Variants in GABRB3 observed in about 807,000 individuals in gnomAD.
The protein encoded by GABRB3 is gamma-aminobutyric acid type A receptor subunit beta3.
A neutral mutation model predicts 52.1 loss-of-function variants in GABRB3; 14 were observed. That is an observed-to-expected ratio of 0.27 (90% CI 0.18 to 0.42). GABRB3 has a LOEUF of 0.42. Ranked by LOEUF, GABRB3 falls within the 10% of genes least tolerant of loss-of-function variation. The probability of loss-of-function intolerance (pLI) is 1.00; values close to 1 mark genes in which losing one functional copy is unlikely to be tolerated. For synonymous variants in GABRB3, 260 were observed against 232.3 expected (o/e 1.12, Z -1.08); for missense variants, 307 against 609.1 (o/e 0.50, Z 5.22).
At chr15:26,551,529 T>TG (rs1285267401) in intron 8 of GABRB3, among the ~76,000 whole-genome samples, 5 of 152,100 alleles carry the variant, frequency 3.3e-5, no homozygotes, top group Non-Finnish European at 7.4e-5. Context: ...GCTCAGGGGC[T>TG]GGGGAAGTAG....
At chr15:26,691,126 G>C (rs948906700) in intron 3 of GABRB3, among the ~76,000 whole-genome samples, 1 of 151,714 alleles carries the variant, frequency 6.6e-6, no homozygotes, top group Non-Finnish European at 1.5e-5. Context: ...CTTCTCAGCT[G>C]GTACTGAGAC....
At chr15:26,725,993 T>A (rs2140145131) in intron 3 of GABRB3, among the ~76,000 whole-genome samples, 1 of 152,312 alleles carries the variant, frequency 6.6e-6, no homozygotes, top group Non-Finnish European at 1.5e-5. Context: ...CTTTGGCATG[T>A]CCAGCCTGCA....
At chr15:26,616,409 T>C (rs1400135783) in intron 4 of GABRB3, among the ~76,000 whole-genome samples, 1 of 152,124 alleles carries the variant, frequency 6.6e-6, no homozygotes, top group African/African-American at 2.4e-5. Context: ...AAGGCAGAAA[T>C]TTCTAGAATA....
At chr15:26,716,648 C>T in intron 3 of GABRB3, 3 of 1,003,436 alleles carry the variant, frequency 3.0e-6, no homozygotes, top group Non-Finnish European at 3.6e-6. Flanking sequence ...TTCTCACTGC[C>T]AACAGCAAGT....
At chr15:26,694,030 C>CT (rs540947801) in intron 3 of GABRB3, among the ~76,000 whole-genome samples, 158 of 152,270 alleles carry the variant, frequency 1.0e-3, no homozygotes, top group Middle Eastern at 3.4e-3. Context: ...AGGAGGATCA[C>CT]TTGAGGCCAG....
chr15:26,548,837 T>A (rs1256481598), intron 8 of GABRB3, among the ~76,000 whole-genome samples: 1 of 152,256 alleles, frequency 6.6e-6, no homozygotes, highest in East Asian at 1.9e-4. Context: ...AGGTCCATTC[T>A]GTTTGTGGGT....
intron 3 of GABRB3, among the ~76,000 whole-genome samples, chr15:26,658,249 C>T (rs571495381): frequency 3.1e-4 from 47 of 152,254 alleles, no homozygotes; most frequent in African/African-American, 1.1e-3. Context: ...CCCTTGCCCA[C>T]CAAACTATCT....
intron 3 of GABRB3, among the ~76,000 whole-genome samples, chr15:26,685,698 G>C (rs1445327819): frequency 2.0e-5 from 3 of 152,012 alleles, no homozygotes; most frequent in Non-Finnish European, 4.4e-5. Context: ...TCTAGTGATA[G>C]TAGGAGTGGG....
chr15:26,754,931 A>C (rs1290554573), intron 3 of GABRB3, among the ~76,000 whole-genome samples: 1 of 152,172 alleles, frequency 6.6e-6, no homozygotes, highest in Admixed American at 6.5e-5. Flanking sequence ...CACAGGATTA[A>C]ACGGAGATTT....
chr15:26,766,994 C>T (rs3212335), intron 3 of GABRB3, among the ~76,000 whole-genome samples: 49,051 of 152,064 alleles, frequency 0.32, 8,180 homozygotes, highest in East Asian at 0.41. Flanking sequence ...ACACAAGCCT[C>T]TCTTACTAAA....
intron 3 of GABRB3, among the ~76,000 whole-genome samples, chr15:26,674,748 G>A (rs750038637): frequency 1.3e-4 from 20 of 152,156 alleles, no homozygotes; most frequent in African/African-American, 4.1e-4. Flanking sequence ...ACCTGAAATC[G>A]TGAAATTAGA....
At chr15:26,584,072 G>C (rs1256529094) in intron 4 of GABRB3, among the ~76,000 whole-genome samples, 1 of 152,136 alleles carries the variant, frequency 6.6e-6, no homozygotes, top group Non-Finnish European at 1.5e-5. Context: ...CACCGCACCT[G>C]GCCTGTATCA....
intron 7 of GABRB3, 42 bp from the exon 8 acceptor site, chr15:26,561,218 C>T: frequency 1.9e-6 from 3 of 1,610,246 alleles, no homozygotes; most frequent in Non-Finnish European, 2.5e-6. Flanking sequence ...AACTTTGCCA[C>T]ATTGGTCTTC....
chr15:26,674,722 C>T (rs1360696315), intron 3 of GABRB3, among the ~76,000 whole-genome samples: 1 of 152,132 alleles, frequency 6.6e-6, no homozygotes, highest in Non-Finnish European at 1.5e-5. Context: ...AACCTGAGGG[C>T]ATGTGCCCAA....
At chr15:26,701,354 C>G (rs747540955) in intron 3 of GABRB3, among the ~76,000 whole-genome samples, 1 of 152,116 alleles carries the variant, frequency 6.6e-6, no homozygotes, top group Non-Finnish European at 1.5e-5. Context: ...CCAATGGGAT[C>G]TACAGAAAAG....
chr15:26,643,135 G>A (rs1893252632), intron 3 of GABRB3, among the ~76,000 whole-genome samples: 1 of 152,088 alleles, frequency 6.6e-6, no homozygotes, highest in South Asian at 2.1e-4. Context: ...ATCCTTAATG[G>A]CCAGCAAGAT....
At chr15:26,675,299 T>C (rs896543783) in intron 3 of GABRB3, among the ~76,000 whole-genome samples, 1 of 152,232 alleles carries the variant, frequency 6.6e-6, no homozygotes, top group African/African-American at 2.4e-5. Context: ...AGTGGAGCAC[T>C]GGCTCAAAAG....
chr15:26,580,269 C>T, intron 6 of GABRB3, 50 bp downstream of exon 6: 1 of 1,611,872 alleles, frequency 6.2e-7, no homozygotes, highest in Non-Finnish European at 8.5e-7. Context: ...TCCAGTCACG[C>T]CCATGGAGCC....
At chr15:26,650,963 C>T (rs963270878) in intron 3 of GABRB3, among the ~76,000 whole-genome samples, 2 of 152,122 alleles carry the variant, frequency 1.3e-5, no homozygotes, top group East Asian at 1.9e-4. Flanking sequence ...GAAAGTTATC[C>T]GGCTTCACCA....
Sources: allele counts gnomAD v4.1 joint callset (sites outside exome capture counted in the v4.1 genomes callset), GRCh38; gene constraint gnomAD v4.1.1; transcripts MANE v1.5; gene names NCBI Gene and HGNC (gene_info 2026-07-23, HGNC 2026-07-21).